Variants in CFAP299 observed in about 807,000 individuals in gnomAD.
The protein encoded by CFAP299 is cilia and flagella associated protein 299.
CFAP299 carries 21 observed loss-of-function variants against 27.0 expected under a neutral mutation model. The observed-to-expected ratio is 0.78, with a 90% CI of 0.55 to 1.12. CFAP299 has a LOEUF of 1.12. Ranked by LOEUF, CFAP299 falls within the 50% of genes most tolerant of loss-of-function variation. The probability of loss-of-function intolerance (pLI) is 0.00; values close to 1 mark genes in which losing one functional copy is unlikely to be tolerated. For missense variants in CFAP299, 310 were observed against 276.6 expected (o/e 1.12, Z -0.86); for synonymous variants, 104 against 98.1 (o/e 1.06, Z -0.36).
chr4:80,712,876 A>G (rs1722254680), intron 3 of CFAP299, among the ~76,000 whole-genome samples: 1 of 152,144 alleles, frequency 6.6e-6, no homozygotes, highest in African/African-American at 2.4e-5. Context: ...AAACCTGCAA[A>G]TGGAGACTTC....
chr4:80,723,140 A>T (rs527469699), intron 3 of CFAP299, among the ~76,000 whole-genome samples: 1 of 152,280 alleles, frequency 6.6e-6, no homozygotes, highest in African/African-American at 2.4e-5. Context: ...ACTCTCATAT[A>T]CTGCTAATGG....
intron 2 of CFAP299, among the ~76,000 whole-genome samples, chr4:80,447,849 C>T (rs992683458): frequency 6.6e-5 from 10 of 152,168 alleles, no homozygotes; most frequent in African/African-American, 2.2e-4. Context: ...GTTTTCTATA[C>T]TCTGGCCAGT....
At chr4:80,518,094 G>C (rs1381943998) in intron 2 of CFAP299, among the ~76,000 whole-genome samples, 1 of 152,086 alleles carries the variant, frequency 6.6e-6, no homozygotes, top group East Asian at 1.9e-4. Flanking sequence ...TTGGTAAAGA[G>C]GAGTAGAGAA....
At chr4:80,612,949 T>C (rs1478168860) in intron 3 of CFAP299, among the ~76,000 whole-genome samples, 1 of 152,132 alleles carries the variant, frequency 6.6e-6, no homozygotes, top group African/African-American at 2.4e-5. Context: ...GCAGTGAGAA[T>C]TGCAAGACTA....
At chr4:80,375,382 A>G (rs549920308) in intron 2 of CFAP299, among the ~76,000 whole-genome samples, 23 of 152,308 alleles carry the variant, frequency 1.5e-4, no homozygotes, top group African/African-American at 5.5e-4. Context: ...CTTGAATGGC[A>G]TGGCATCCCA....
At chr4:80,561,474 G>T (rs545119685) in intron 2 of CFAP299, among the ~76,000 whole-genome samples, 3 of 152,020 alleles carry the variant, frequency 2.0e-5, no homozygotes, top group Non-Finnish European at 2.9e-5. Context: ...ACTAAATAAG[G>T]TATTGGACAA....
rs183689048 is a variant in CFAP299 at position 80,457,148 on chromosome 4, G to A, written c.242+94264G>A. 5.4e-4 allele frequency among the ~76,000 whole-genome samples: 82 copies of A among 152,132 alleles called. No individual in the cohort carries two copies. The East Asian group carries it at 0.013, about 24-fold the overall frequency. ...ACTTCAAATACAACTTTGAAGTAGG[G>A]TATAAATAAACTATTCCATTAACCA... is the stretch of plus-strand genomic sequence containing the variant. On this transcript the variant is annotated intron_variant, in intron 2 of 5. Coordinates refer to ENST00000358105, the MANE Select transcript of CFAP299 (RefSeq NM_152770.3).
rs1166098814 is a variant in CFAP299 at position 80,949,533 on chromosome 4, A to C, written c.606+4594A>C. On this transcript the variant is annotated intron_variant, in intron 5 of 5. Transcript: ENST00000358105. ...AAAACTTAAAGTATAATAAAATTTA[A>C]AAACAACAACAACAAAAAAAAAAAG... Among the ~76,000 whole-genome samples the C allele has an allele frequency of 1.4e-4, 4 of 28,092 alleles. No individual in the cohort carries two copies. In the East Asian group the frequency reaches 0.01, roughly 73 times the overall value. The allele number at this position is 28,092 out of a possible 152,430, so 18.4% of individuals were successfully genotyped here.
At chr4:80,580,195 C>T (rs1235363638) in intron 2 of CFAP299, among the ~76,000 whole-genome samples, 1 of 152,082 alleles carries the variant, frequency 6.6e-6, no homozygotes, top group African/African-American at 2.4e-5. Context: ...TATAACTCAG[C>T]TACCTTTCAT....
chr4:80,760,128 A>G (rs1261767472), intron 3 of CFAP299, among the ~76,000 whole-genome samples: 1 of 152,148 alleles, frequency 6.6e-6, no homozygotes, highest in Non-Finnish European at 1.5e-5. Flanking sequence ...GTAAAGTCAA[A>G]TAGGAAATCA....
chr4:80,559,771 G>A (rs1734951269), intron 2 of CFAP299, among the ~76,000 whole-genome samples: 1 of 152,158 alleles, frequency 6.6e-6, no homozygotes, highest in Non-Finnish European at 1.5e-5. Context: ...CATGGAAGGA[G>A]CATTTAAACC....
intron 1 of CFAP299, among the ~76,000 whole-genome samples, chr4:80,348,871 A>C (rs1722883491): frequency 6.6e-6 from 1 of 152,194 alleles, no homozygotes; most frequent in African/African-American, 2.4e-5. Context: ...AAACTAAATA[A>C]GTTTTGCTTC....
chr4:80,399,268 C>T (rs1020420490), intron 2 of CFAP299, among the ~76,000 whole-genome samples: 4 of 152,026 alleles, frequency 2.6e-5, no homozygotes, highest in East Asian at 1.9e-4. Flanking sequence ...TCAACCATTG[C>T]GGAAGACAGT....
intron 2 of CFAP299, among the ~76,000 whole-genome samples, chr4:80,484,797 C>A (rs918490885): frequency 1.3e-5 from 2 of 152,210 alleles, no homozygotes; most frequent in Non-Finnish European, 2.9e-5. Context: ...AACACAGCCA[C>A]TTTTTAATTT....
chr4:80,902,302 T>G (rs1734939700), intron 4 of CFAP299, among the ~76,000 whole-genome samples: 1 of 148,992 alleles, frequency 6.7e-6, no homozygotes, highest in Admixed American at 6.7e-5. Flanking sequence ...CTTTATATCA[T>G]TATTTTATCC....
intron 2 of CFAP299, among the ~76,000 whole-genome samples, chr4:80,494,222 A>T (rs1313659374): frequency 6.6e-6 from 1 of 152,140 alleles, no homozygotes; most frequent in Non-Finnish European, 1.5e-5. Flanking sequence ...CACATTTAAC[A>T]TATCAGCAAG....
chr4:80,894,892 T>G (rs1734539487), intron 4 of CFAP299, among the ~76,000 whole-genome samples: 1 of 151,682 alleles, frequency 6.6e-6, no homozygotes. Flanking sequence ...TAATGCTAAG[T>G]GAAATAAGCT....
intron 3 of CFAP299, among the ~76,000 whole-genome samples, chr4:80,837,024 T>C (rs1730597906): frequency 6.6e-6 from 1 of 152,000 alleles, no homozygotes; most frequent in East Asian, 1.9e-4. Context: ...AAACTAGGGA[T>C]ACATAATAAT....
At chr4:80,713,270 A>C (rs1722280783) in intron 3 of CFAP299, among the ~76,000 whole-genome samples, 1 of 152,144 alleles carries the variant, frequency 6.6e-6, no homozygotes, top group Non-Finnish European at 1.5e-5. Context: ...GGACTCTATT[A>C]ACCCAATTGA....
Sources: gnomAD v4.1 joint callset for allele counts (sites outside exome capture counted in the v4.1 genomes callset) on GRCh38, gnomAD v4.1.1 for gene constraint, MANE v1.5 for transcripts, NCBI Gene and HGNC (gene_info 2026-07-23, HGNC 2026-07-21) for gene names.